RGS20: variants seen among roughly 807,000 people sequenced by gnomAD.
RGS20 encodes the protein gz-selective GTPase-activating protein.
In RGS20, 30 loss-of-function variants were observed where a neutral mutation model predicts 33.6. The observed-to-expected ratio is 0.89, with a 90% CI of 0.67 to 1.21. The LOEUF is 1.21. RGS20 is among the 50% of genes most tolerant of loss of function. The pLI is 0.00. For synonymous variants in RGS20, 208 were observed against 197.9 expected (o/e 1.05, Z -0.43); for missense variants, 472 against 502.4 (o/e 0.94, Z 0.58).
At chr8:53,939,797 ACC>A in intron 3 of RGS20, 73 bp downstream of exon 2, 1 of 1,462,080 alleles carries the variant, frequency 6.8e-7, no homozygotes, top group Non-Finnish European at 9.1e-7. Context: ...GGGACGTGGC[ACC>A]CCTGAAAGTG....
intron 2 of RGS20, 51 bp from the exon 2 acceptor site, chr8:53,939,525 T>A: frequency 7.0e-7 from 1 of 1,431,876 alleles, no homozygotes; most frequent in Non-Finnish European, 9.2e-7. Context: ...GCTTACGCCT[T>A]CATAACGCTG....
intron 5 of RGS20, among the ~76,000 whole-genome samples, chr8:53,956,102 G>C (rs1306508923): frequency 2.6e-5 from 4 of 152,106 alleles, no homozygotes; most frequent in African/African-American, 7.2e-5. Flanking sequence ...ACTCAAGGAG[G>C]CTACAGATGG....
intron 1 of RGS20, among the ~76,000 whole-genome samples, chr8:53,869,452 G>A (rs1426555342): frequency 6.6e-6 from 1 of 152,152 alleles, no homozygotes. Context: ...GAGGTGAGCA[G>A]ATCACTTGAG....
rs116180647 is a variant in RGS20, at chr8:53,904,841, C to T, written c.510+25239C>T. Among the ~76,000 whole-genome samples, 760 of 152,294 alleles carry T rather than the reference C, an allele frequency of 5.0e-3. 6 individuals are homozygous for T. Among genetic ancestry groups the T allele is most frequent in the African/African-American group, 0.018 (730 of 41,564 alleles). On this transcript the variant is annotated intron_variant, in intron 2 of 5. Transcript: ENST00000297313. ...TTAGGAAAGAACAAATAAAAACATA[C>T]ATAATTTATTTATTTCCTTCATATC... is the stretch of plus-strand genomic sequence containing the variant.
rs758821227 is a variant in RGS20, at chr8:53,881,017, T to C, written c.510+1415T>C. 5 of 1,594,752 alleles carry C rather than the reference T, an allele frequency of 3.1e-6. No individual in the cohort carries two copies. The African/African-American group carries it at 4.0e-5, about 13-fold the overall frequency. On this transcript the variant is annotated intron_variant, in intron 2 of 5. Transcript: ENST00000297313. ...ATTGAGAAGGCACCCGCGGGACGCA[T>C]GCGCACGGCGGACGGAGGCGAGCCG... is the stretch of plus-strand genomic sequence containing the variant.
intron 2 of RGS20, among the ~76,000 whole-genome samples, chr8:53,890,221 C>CT (rs1202441864): frequency 1.3e-5 from 2 of 152,042 alleles, no homozygotes; most frequent in Non-Finnish European, 2.9e-5. Context: ...AGCTGTCTTC[C>CT]TCTGTGCCTG....
At chr8:53,956,774 A>G (rs1814877719) in intron 5 of RGS20, among the ~76,000 whole-genome samples, 1 of 152,178 alleles carries the variant, frequency 6.6e-6, no homozygotes, top group South Asian at 2.1e-4. Flanking sequence ...TTGTCCTTTA[A>G]TTTATGGCTT....
At chr8:53,872,827 A>T (rs776755151) in intron 1 of RGS20, among the ~76,000 whole-genome samples, 4 of 152,102 alleles carry the variant, frequency 2.6e-5, no homozygotes, top group Non-Finnish European at 5.9e-5. Context: ...CTCTCAGCTC[A>T]CATCTTGAGG....
chr8:53,875,076 C>A (rs1393879182), intron 1 of RGS20, among the ~76,000 whole-genome samples: 1 of 152,140 alleles, frequency 6.6e-6, no homozygotes, highest in East Asian at 1.9e-4. Flanking sequence ...GTGAAGACTG[C>A]AAGAGGAGAA....
At chr8:53,945,338 G>A (rs976430852) in intron 3 of RGS20, 10 of 152,212 alleles carry the variant, frequency 6.6e-5, no homozygotes, top group African/African-American at 2.4e-4. Context: ...ATTACGCCAA[G>A]TGAAAGGAGA....
intron 5 of RGS20, among the ~76,000 whole-genome samples, chr8:53,955,114 T>A (rs2129294537): frequency 6.6e-6 from 1 of 151,152 alleles, no homozygotes; most frequent in Non-Finnish European, 1.5e-5. Flanking sequence ...GTGCAGCTGT[T>A]TTCTACATTT....
intron 2 of RGS20, among the ~76,000 whole-genome samples, chr8:53,922,731 G>T (rs1170836214): frequency 1.3e-5 from 2 of 152,146 alleles, no homozygotes; most frequent in African/African-American, 4.8e-5. Context: ...GGAGTGCAGT[G>T]GTGCAATCAT....
chr8:53,926,540 A>C (rs564151454), intron 2 of RGS20, among the ~76,000 whole-genome samples: 1 of 152,266 alleles, frequency 6.6e-6, no homozygotes, highest in Admixed American at 6.5e-5. Flanking sequence ...CGCTATCTTC[A>C]GGATTTGGGA....
At chr8:53,932,942 G>A (rs947191419) in intron 2 of RGS20, among the ~76,000 whole-genome samples, 1 of 152,182 alleles carries the variant, frequency 6.6e-6, no homozygotes, top group Non-Finnish European at 1.5e-5. Context: ...CAGCTGTTCT[G>A]CAGCCTTTGC....
chr8:53,956,164 C>G (rs547202159), intron 5 of RGS20, among the ~76,000 whole-genome samples: 3 of 152,214 alleles, frequency 2.0e-5, no homozygotes, highest in African/African-American at 7.2e-5. Context: ...ATGGGGACAT[C>G]CCAGGAGACA....
chr8:53,885,667 C>G (rs967458557), intron 2 of RGS20, among the ~76,000 whole-genome samples: 2 of 151,790 alleles, frequency 1.3e-5, no homozygotes, highest in Non-Finnish European at 2.9e-5. Flanking sequence ...TCTGGTCTTA[C>G]AAAGTTATTT....
chr8:53,879,037 G>A (rs544632683), intron 1 of RGS20, among the ~76,000 whole-genome samples: 30 of 152,082 alleles, frequency 2.0e-4, no homozygotes, highest in Non-Finnish European at 3.7e-4. Context: ...AGGTGTTGGC[G>A]AAGCTGCTGG....
chr8:53,884,331 G>A (rs909695986), intron 2 of RGS20, among the ~76,000 whole-genome samples: 7 of 151,496 alleles, frequency 4.6e-5, no homozygotes, highest in African/African-American at 1.7e-4. Context: ...GAGTAGCTGA[G>A]ACTTAAGGTG....
At position 53,863,963 on chromosome 8, in the gene RGS20, G is replaced by A. The variant is rs368142553; in HGVS notation, c.165+11899G>A. Among the ~76,000 whole-genome samples the A allele has an allele frequency of 3.9e-4, 59 of 151,912 alleles. 1 individual carries two copies. The East Asian group carries it at 7.0e-3, about 18-fold the overall frequency. ...AGGATGGTCTCAATCTCCTGACCTC[G>A]TGATCTGCCTTCCTCGGCCTCCCAA... On this transcript the variant is annotated intron_variant, in intron 1 of 5. Transcript: ENST00000297313.
Sources: allele counts gnomAD v4.1 joint callset (sites outside exome capture counted in the v4.1 genomes callset), GRCh38; gene constraint gnomAD v4.1.1; transcripts MANE v1.5; gene names NCBI Gene and HGNC (gene_info 2026-07-23, HGNC 2026-07-21).